The following STAT3 variants were observed in gnomAD, a reference collection of about 807,000 sequenced individuals.
STAT3 encodes DNA-binding protein APRF.
STAT3 carries 7 observed loss-of-function variants against 114.3 expected under a neutral mutation model. The ratio of observed to expected loss-of-function variants is 0.06; its 90% confidence interval spans 0.03 to 0.11. The LOEUF (loss-of-function observed/expected upper bound fraction) is 0.11. Among genes scored for constraint, STAT3 ranks in the 10% least tolerant of loss-of-function variants. The probability of loss-of-function intolerance (pLI) is 1.00; values close to 1 mark genes in which losing one functional copy is unlikely to be tolerated. For missense variants in STAT3, 364 were observed against 960.9 expected (o/e 0.38, Z 8.21); for synonymous variants, 331 against 354.5 (o/e 0.93, Z 0.74).
chr17:42,383,971 C>T (rs899318811), intron 1 of STAT3, among the ~76,000 whole-genome samples: 1 of 152,282 alleles, frequency 6.6e-6, no homozygotes, highest in South Asian at 2.1e-4. Context: ...TGTCAGACTC[C>T]AGTTAATAAC....
At chr17:42,343,654 C>A (rs1236277373) in intron 4 of STAT3, among the ~76,000 whole-genome samples, 1 of 151,882 alleles carries the variant, frequency 6.6e-6, no homozygotes, top group Non-Finnish European at 1.5e-5. Flanking sequence ...GGGGTTTCAT[C>A]ATGTTGGCCA....
intron 1 of STAT3, among the ~76,000 whole-genome samples, chr17:42,370,982 C>A (rs951640217): frequency 6.6e-6 from 1 of 152,094 alleles, no homozygotes; most frequent in African/African-American, 2.4e-5. Flanking sequence ...TTTAGCCTAA[C>A]ATAAAGCAGA....
At position 42,313,931 on chromosome 17, in the gene STAT3, AATTTG is replaced by A. The variant is rs2081163279; in HGVS notation, c.*1809_*1813del. 4.3e-6 allele frequency: 1 copy of A among 231,648 alleles called. No homozygotes were observed. Among genetic ancestry groups the A allele is most frequent in the African/African-American group, 2.2e-5 (1 of 45,230 alleles). 14.3% of individuals were successfully genotyped at this position (231,648 alleles called of 1,614,324 possible). A position where few individuals can be genotyped will look rare whatever the true frequency, so the allele number is the denominator to read the frequency against. ...CTCCCCCTTAATTCAGAGACCAGCT[AATTTG>A]ATTTAACAAACAGAATTCCACAGAA... On this transcript the variant is annotated 3_prime_UTR_variant, in exon 24 of 24. Coordinates refer to ENST00000264657, the MANE Select transcript of STAT3 (RefSeq NM_139276.3).
chr17:42,322,077 G>C (rs1225393308), intron 21 of STAT3, among the ~76,000 whole-genome samples: 2 of 152,036 alleles, frequency 1.3e-5, no homozygotes, highest in Non-Finnish European at 2.9e-5. Flanking sequence ...CTGTGGAGCA[G>C]GAACTACACT....
At chr17:42,352,530 T>C (rs893273706) in intron 1 of STAT3, among the ~76,000 whole-genome samples, 4 of 150,818 alleles carry the variant, frequency 2.7e-5, no homozygotes, top group Non-Finnish European at 5.9e-5. Context: ...TCAAAGGCCA[T>C]TAGATCTCTC....
chr17:42,381,731 CAAAA>C (rs398038044), intron 1 of STAT3, among the ~76,000 whole-genome samples: 2 of 57,756 alleles, frequency 3.5e-5, no homozygotes, highest in Non-Finnish European at 3.8e-5. Context: ...GACTCCATCT[CAAAA>C]AAAAAAAAAA....
intron 6 of STAT3, 102 bp downstream of exon 6, chr17:42,338,629 C>A: frequency 8.4e-7 from 1 of 1,183,972 alleles, no homozygotes; most frequent in Admixed American, 1.8e-5. Context: ...CCTTGCGCCC[C>A]GCCCGCCTTA....
chr17:42,334,993 C>A (rs1191331947), intron 8 of STAT3, among the ~76,000 whole-genome samples: 1 of 152,188 alleles, frequency 6.6e-6, no homozygotes, highest in Non-Finnish European at 1.5e-5. Flanking sequence ...AGACAGCTCC[C>A]AAAGATGGGT....
chr17:42,362,544 T>C lies in STAT3; in HGVS notation c.-23-14005A>G, dbSNP rs922988338. 2.6e-5 allele frequency among the ~76,000 whole-genome samples: 4 copies of C among 152,186 alleles called. No individual in the cohort carries two copies. In the South Asian group the frequency reaches 8.3e-4, roughly 31 times the overall value. On this transcript the variant is annotated intron_variant, in intron 1 of 23. Transcript: ENST00000264657. ...TGTTCTTAGGCTAAAAAACAAGATTTGTTATCTTAAGGCAGAATAGCATGG... is the reference window on the plus strand; with the variant it reads ...TGTTCTTAGGCTAAAAAACAAGATTCGTTATCTTAAGGCAGAATAGCATGG...
intron 11 of STAT3, among the ~76,000 whole-genome samples, chr17:42,330,950 G>A (rs2081987781): frequency 6.6e-6 from 1 of 152,162 alleles, no homozygotes; most frequent in Non-Finnish European, 1.5e-5. Flanking sequence ...TCATGGAGCT[G>A]AAAAATTCCT....
chr17:42,318,136 T>A (rs891040062), intron 21 of STAT3, among the ~76,000 whole-genome samples: 1 of 151,894 alleles, frequency 6.6e-6, no homozygotes, highest in African/African-American at 2.4e-5. Flanking sequence ...CTTTTTTTTT[T>A]TTGAGACGGA....
Position 42,314,714 on chromosome 17 carries a change from T to C in STAT3, c.*1031A>G, listed in dbSNP as rs146907042. On this transcript the variant is annotated 3_prime_UTR_variant, in exon 24 of 24. Transcript: ENST00000264657. ...CTTAGATTCTCCTTAAACCTTCCTA[T>C]TTCAACACCAAAGGCCAGGTTGCAG... 7.2e-5 allele frequency: 16 copies of C among 221,602 alleles called. 1 individual carries two copies. Among genetic ancestry groups the C allele is most frequent in the African/African-American group, 2.7e-4 (12 of 44,786 alleles). The allele number at this position is 221,602 out of a possible 1,614,324, so 13.7% of individuals were successfully genotyped here. A position where few individuals can be genotyped will look rare whatever the true frequency, so the allele number is the denominator to read the frequency against.
At chr17:42,316,991 G>A (rs2081280127) in intron 22 of STAT3, 90 bp from the exon 23 acceptor site, 21 of 1,564,420 alleles carry the variant, frequency 1.3e-5, no homozygotes, top group Non-Finnish European at 1.7e-5. Flanking sequence ...ACACACACAA[G>A]CCATCAAACT....
At position 42,324,957 on chromosome 17, in the gene STAT3, A is replaced by G. The variant is rs759021946; in HGVS notation, c.1464+6T>C. 6.2e-7 allele frequency: 1 copy of G among 1,614,206 alleles called. No homozygotes were observed. The highest frequency in any genetic ancestry group is 8.5e-7 in the Non-Finnish European group (1 of 1,180,040). ...GGGGCACCAACTAAAAGGAGGGGGCACTAACCTTGGGATTGTTGGTCAGCA... is the reference window on the plus strand; with the variant it reads ...GGGGCACCAACTAAAAGGAGGGGGCGCTAACCTTGGGATTGTTGGTCAGCA... On this transcript the variant is annotated splice_donor_region_variant and intron_variant, in intron 16 of 23. Transcript: ENST00000264657. The surrounding 1 kb of genome is among the most constrained non-coding windows in gnomAD (Gnocchi z 4.5).
intron 3 of STAT3, among the ~76,000 whole-genome samples, 155 bp from the exon 4 acceptor site, chr17:42,345,812 G>T (rs1008918581): frequency 4.0e-5 from 6 of 151,764 alleles, no homozygotes. Context: ...AAGGCTCTCT[G>T]TCGGCGGGGG....
chr17:42,366,664 C>T (rs1191977111), intron 1 of STAT3, among the ~76,000 whole-genome samples: 1 of 109,826 alleles, frequency 9.1e-6, no homozygotes, highest in African/African-American at 3.5e-5. Context: ...GAGTAAGATC[C>T]TGTCTCAAAA....
intron 1 of STAT3, among the ~76,000 whole-genome samples, chr17:42,364,899 C>T (rs2083696459): frequency 6.6e-6 from 1 of 152,180 alleles, no homozygotes; most frequent in South Asian, 2.1e-4. Flanking sequence ...GGTCACTTTC[C>T]CTATACGAAA....
intron 10 of STAT3, 129 bp from the exon 11 acceptor site, chr17:42,331,660 G>A: frequency 1.3e-6 from 1 of 760,350 alleles, no homozygotes; most frequent in Non-Finnish European, 2.2e-6. Flanking sequence ...ATAATTACAG[G>A]CTCACATCTA....
At chr17:42,379,742 G>C (rs1315941954) in intron 1 of STAT3, among the ~76,000 whole-genome samples, 2 of 152,150 alleles carry the variant, frequency 1.3e-5, no homozygotes, top group Non-Finnish European at 2.9e-5. Flanking sequence ...CTTAAAATAA[G>C]GGAGAGGTAA....
Sources: allele counts gnomAD v4.1 joint callset (sites outside exome capture counted in the v4.1 genomes callset), GRCh38; gene constraint gnomAD v4.1.1; non-coding constraint Gnocchi (gnomAD v3.1); transcripts MANE v1.5; gene names NCBI Gene and HGNC (gene_info 2026-07-23, HGNC 2026-07-21).